Variants in SCAPER observed in about 807,000 individuals in gnomAD.
The protein encoded by SCAPER is S phase cyclin A-associated protein in the endoplasmic reticulum.
A neutral mutation model predicts 182.2 loss-of-function variants in SCAPER; 98 were observed. That is an observed-to-expected ratio of 0.54 (90% confidence interval 0.46 to 0.64). SCAPER has a LOEUF of 0.64. SCAPER is among the 30% of genes least tolerant of loss of function. SCAPER has a pLI of 0.00. For missense variants in SCAPER, 1,432 were observed against 1,690.0 expected (o/e 0.85, Z 2.68); for synonymous variants, 605 against 564.6 (o/e 1.07, Z -1.01).
At chr15:76,405,476 T>A (rs562271506) in intron 26 of SCAPER, among the ~76,000 whole-genome samples, 1 of 152,138 alleles carries the variant, frequency 6.6e-6, no homozygotes, top group Non-Finnish European at 1.5e-5. Flanking sequence ...CTGTCACCAT[T>A]AACAGCATAA....
In SCAPER at chr15:76,503,591, AACAGTTT is replaced by A. The variant is rs2041327673; in HGVS notation, c.2954+1261_2954+1267del. 3.3e-5 allele frequency among the ~76,000 whole-genome samples: 5 copies of A among 152,316 alleles called. No homozygotes were observed. In the South Asian group the frequency reaches 1.0e-3, roughly 32 times the overall value. On this transcript the variant is annotated intron_variant, in intron 24 of 31. Coordinates refer to ENST00000563290, the MANE Select transcript of SCAPER (RefSeq NM_020843.4). ...CAAATATACACTATAATGAACACTT[AACAGTTT>A]ACAAAGAGGTCTCATATATGTTATT...
Position 76,348,863 on chromosome 15 carries a change from A to G in SCAPER, c.4100-127T>C. The stretch of plus-strand genomic sequence containing the variant: ...ATATCCACTTCAAATAAACCATGAC[A>G]CAATTTAGGTAAATAAGGTGATTGA... On this transcript the variant is annotated intron_variant, in intron 31 of 31. Transcript: ENST00000563290. 4 of 595,056 alleles carry G rather than the reference A, an allele frequency of 6.7e-6. No individual in the cohort carries two copies. The South Asian group carries it at 9.6e-5, about 14-fold the overall frequency. 36.9% of individuals were successfully genotyped at this position (595,056 alleles called of 1,614,324 possible). A position where few individuals can be genotyped will look rare whatever the true frequency, so the allele number is the denominator to read the frequency against.
chr15:76,554,777 T>C (rs2046059367), intron 23 of SCAPER, among the ~76,000 whole-genome samples: 4 of 146,500 alleles, frequency 2.7e-5, no homozygotes, highest in Admixed American at 2.2e-4. Flanking sequence ...TGGGGGCCTA[T>C]ATTCAGCATT....
intron 21 of SCAPER, among the ~76,000 whole-genome samples, chr15:76,639,959 G>A (rs1203099955): frequency 6.6e-6 from 1 of 152,074 alleles, no homozygotes; most frequent in African/African-American, 2.4e-5. Context: ...AGCCAGAGAA[G>A]GTATTTGGCT....
At chr15:76,897,835 T>G (rs999129447) in intron 1 of SCAPER, among the ~76,000 whole-genome samples, 1 of 152,256 alleles carries the variant, frequency 6.6e-6, no homozygotes, top group African/African-American at 2.4e-5. Context: ...TTTCTGCATC[T>G]GAACTGAAAG....
chr15:76,554,284 G>C (rs1055299897), intron 23 of SCAPER, among the ~76,000 whole-genome samples: 1 of 152,056 alleles, frequency 6.6e-6, no homozygotes, highest in Admixed American at 6.6e-5. Flanking sequence ...CAAAAATAAA[G>C]AAAAACCATT....
At chr15:76,837,477 G>A (rs2069059377) in intron 5 of SCAPER, among the ~76,000 whole-genome samples, 1 of 152,118 alleles carries the variant, frequency 6.6e-6, no homozygotes, top group Non-Finnish European at 1.5e-5. Flanking sequence ...GCAAAAGGGG[G>A]AAAAGCCCCT....
intron 2 of SCAPER, among the ~76,000 whole-genome samples, chr15:76,871,444 T>C (rs1237679204): frequency 1.4e-5 from 2 of 146,884 alleles, no homozygotes; most frequent in African/African-American, 2.5e-5. Flanking sequence ...AAAATGAAGA[T>C]AACCAAAAAA....
intron 23 of SCAPER, among the ~76,000 whole-genome samples, chr15:76,569,482 T>C (rs1478888269): frequency 6.6e-6 from 1 of 152,172 alleles, no homozygotes; most frequent in Non-Finnish European, 1.5e-5. Context: ...TGAATGAGAT[T>C]GGTTTATAAT....
At chr15:76,505,843 T>C (rs762164543) in intron 23 of SCAPER, among the ~76,000 whole-genome samples, 1 of 152,062 alleles carries the variant, frequency 6.6e-6, no homozygotes, top group Non-Finnish European at 1.5e-5. Context: ...GGAAGCAACC[T>C]AAGTGTCCAT....
intron 25 of SCAPER, among the ~76,000 whole-genome samples, chr15:76,463,168 G>A (rs426225): frequency 0.97 from 147,911 of 152,256 alleles, 71,983 homozygotes; most frequent in South Asian, 1. Context: ...AGCAAGTACC[G>A]TACTATATAG....
At chr15:76,548,398 G>A (rs986639725) in intron 23 of SCAPER, among the ~76,000 whole-genome samples, 1 of 152,120 alleles carries the variant, frequency 6.6e-6, no homozygotes, top group Non-Finnish European at 1.5e-5. Context: ...CATTTTCGGC[G>A]ATTAGGAATT....
Position 76,775,099 on chromosome 15 carries a change from C to G in SCAPER, c.791G>C (p.Gly264Ala). ...CCTTCCTCTCTGAACGGTCTCCCAT[C>G]CTTCAGCATCTTTCCGTTCTATGCA... ...SRKNERKDAE[G>A]WETVQRGRPI... The change falls in exon 9 of 32, where the codon GGA becomes GCA. Residue 264 changes from glycine (G) to alanine (A), a missense_variant. Around this residue, in one of 5 missense-constraint regions of SCAPER, gnomAD observed 480 missense variants for 510.2 expected, o/e 0.94. Transcript: ENST00000563290. 2 of 1,612,542 alleles carry G rather than the reference C, an allele frequency of 1.2e-6. No individual in the cohort carries two copies. The highest frequency in any genetic ancestry group is 1.7e-6 in the Non-Finnish European group (2 of 1,179,212).
At chr15:76,634,441 T>C (rs1319032420) in intron 21 of SCAPER, among the ~76,000 whole-genome samples, 1 of 152,156 alleles carries the variant, frequency 6.6e-6, no homozygotes, top group African/African-American at 2.4e-5. Flanking sequence ...TGCCCCCTTC[T>C]ATATAAATTT....
intron 24 of SCAPER, among the ~76,000 whole-genome samples, chr15:76,485,079 A>G (rs1432971869): frequency 2.0e-5 from 3 of 152,182 alleles, no homozygotes; most frequent in African/African-American, 4.8e-5. Flanking sequence ...AGAGAAGTAA[A>G]GGGCATTCAA....
intron 26 of SCAPER, among the ~76,000 whole-genome samples, chr15:76,419,552 C>T (rs2045884391): frequency 6.6e-6 from 1 of 152,022 alleles, no homozygotes; most frequent in South Asian, 2.1e-4. Flanking sequence ...GACACCCTGT[C>T]TCTACGAAAA....
intron 25 of SCAPER, among the ~76,000 whole-genome samples, chr15:76,447,512 A>G (rs2048082160): frequency 6.6e-6 from 1 of 151,874 alleles, no homozygotes; most frequent in Non-Finnish European, 1.5e-5. Flanking sequence ...ACCTTCAAGT[A>G]GTCAGAATTG....
intron 29 of SCAPER, among the ~76,000 whole-genome samples, chr15:76,370,458 C>T (rs373754422): frequency 1.3e-5 from 2 of 152,150 alleles, no homozygotes; most frequent in East Asian, 1.9e-4. Context: ...GCATGCACTA[C>T]AGCACCTGAC....
chr15:76,434,378 G>C, intron 25 of SCAPER, 68 bp from the exon 26 acceptor site: 1 of 1,089,816 alleles, frequency 9.2e-7, no homozygotes, highest in Non-Finnish European at 1.3e-6. Context: ...AGACAGTTTA[G>C]AACATTTCTG....
Sources: allele counts gnomAD v4.1 joint callset (sites outside exome capture counted in the v4.1 genomes callset), GRCh38; gene constraint gnomAD v4.1.1; regional missense constraint gnomAD v4.1.1; transcripts MANE v1.5; gene names NCBI Gene and HGNC (gene_info 2026-07-23, HGNC 2026-07-21).